Variants in LRRC8C observed in about 807,000 individuals in gnomAD.
LRRC8C encodes the protein volume-regulated anion channel subunit LRRC8C.
A neutral mutation model predicts 55.3 loss-of-function variants in LRRC8C; 20 were observed. The ratio of observed to expected loss-of-function variants is 0.36; its 90% confidence interval spans 0.25 to 0.53. The LOEUF (loss-of-function observed/expected upper bound fraction) is 0.53. Among genes scored for constraint, LRRC8C ranks in the 20% least tolerant of loss-of-function variants. LRRC8C has a pLI of 0.92. For synonymous variants in LRRC8C, 376 were observed against 360.7 expected (o/e 1.04, Z -0.48); for missense variants, 659 against 951.4 (o/e 0.69, Z 4.04).
chr1:89,712,905 A>C lies in LRRC8C; in HGVS notation c.335A>C (p.Asn112Thr). The C allele has an allele frequency of 6.2e-7, 1 of 1,614,152 alleles. No individual in the cohort carries two copies. Among genetic ancestry groups the C allele is most frequent in the Non-Finnish European group, 8.5e-7 (1 of 1,180,024 alleles). The stretch of plus-strand genomic sequence containing the variant: ...GACCTTCAGCAGTACAGCTTTATAA[A>C]TCAGATGTGTTATGAGCGAGCCCTC... ...DLDLQQYSFI[N>T]QMCYERALHW... The change falls in exon 3 of 3, where the codon AAT (asparagine) becomes ACT (threonine). Residue 112 changes from asparagine (N) to threonine (T), a missense_variant. Asn to Thr is a moderately conservative substitution (Grantham distance 65). Coordinates refer to ENST00000370454, the MANE Select transcript of LRRC8C (RefSeq NM_032270.5).
At chr1:89,706,906 T>C (rs1038526043) in intron 2 of LRRC8C, among the ~76,000 whole-genome samples, 3 of 152,208 alleles carry the variant, frequency 2.0e-5, no homozygotes, top group Non-Finnish European at 4.4e-5. Flanking sequence ...CTCAACATGA[T>C]GATTTGCAGA....
intron 1 of LRRC8C, among the ~76,000 whole-genome samples, chr1:89,658,806 G>A (rs1298248082): frequency 1.3e-5 from 2 of 152,028 alleles, no homozygotes; most frequent in Non-Finnish European, 2.9e-5. Context: ...TTAGCTATTG[G>A]GTGAAGTGTA....
chr1:89,639,096 C>G (rs1656383903), intron 1 of LRRC8C, among the ~76,000 whole-genome samples: 1 of 151,792 alleles, frequency 6.6e-6, no homozygotes, highest in South Asian at 2.1e-4. Flanking sequence ...GGCGATTCTC[C>G]TGCCTCAGCC....
At chr1:89,709,813 G>A (rs1365786268) in intron 2 of LRRC8C, among the ~76,000 whole-genome samples, 7 of 150,072 alleles carry the variant, frequency 4.7e-5, no homozygotes, top group African/African-American at 1.5e-4. Flanking sequence ...GTGCAGTGGC[G>A]CGATCTCGGC....
intron 2 of LRRC8C, among the ~76,000 whole-genome samples, chr1:89,706,966 C>T (rs1050762184): frequency 6.6e-6 from 1 of 152,156 alleles, no homozygotes; most frequent in Non-Finnish European, 1.5e-5. Context: ...CCAATTATTG[C>T]AACCCTTGGG....
intron 1 of LRRC8C, among the ~76,000 whole-genome samples, chr1:89,643,629 G>T (rs980168979): frequency 6.6e-6 from 1 of 152,128 alleles, no homozygotes; most frequent in Non-Finnish European, 1.5e-5. Context: ...AAAATGAGTT[G>T]TGTTTTTGTA....
At chr1:89,640,287 A>G (rs1656418259) in intron 1 of LRRC8C, among the ~76,000 whole-genome samples, 1 of 151,410 alleles carries the variant, frequency 6.6e-6, no homozygotes, top group Admixed American at 6.6e-5. Flanking sequence ...CTAAGCTTGA[A>G]CTCCTGACCC....
chr1:89,684,764 G>C (rs1657822941), intron 1 of LRRC8C, among the ~76,000 whole-genome samples: 1 of 152,204 alleles, frequency 6.6e-6, no homozygotes, highest in Admixed American at 6.5e-5. Flanking sequence ...TGCAATACAT[G>C]TTTTAAGGAG....
chr1:89,680,627 C>A, intron 1 of LRRC8C, among the ~76,000 whole-genome samples: 1 of 149,686 alleles, frequency 6.7e-6, no homozygotes, highest in Non-Finnish European at 1.5e-5. Context: ...GTAGTATGAT[C>A]CCAGCTCGCT....
chr1:89,684,562 G>T (rs535519675), intron 1 of LRRC8C, among the ~76,000 whole-genome samples: 20 of 152,306 alleles, frequency 1.3e-4, no homozygotes, highest in Admixed American at 2.6e-4. Flanking sequence ...AAGTCAAGAT[G>T]AATTTGTGCC....
chr1:89,690,861 A>G (rs781363876), intron 2 of LRRC8C, among the ~76,000 whole-genome samples: 9 of 152,154 alleles, frequency 5.9e-5, no homozygotes, highest in Non-Finnish European at 1.3e-4. Flanking sequence ...CAGACAGGTT[A>G]ACTAACCTGG....
chr1:89,715,304 T>G lies in LRRC8C; in HGVS notation c.*322T>G, dbSNP rs1027055142. 9.1e-5 allele frequency: 16 copies of G among 176,374 alleles called. No homozygotes were observed. Among genetic ancestry groups the G allele is most frequent in the Non-Finnish European group, 1.6e-4 (14 of 85,008 alleles). The allele number at this position is 176,374 out of a possible 1,614,324, so 10.9% of individuals were successfully genotyped here. A position where few individuals can be genotyped will look rare whatever the true frequency, so the allele number is the denominator to read the frequency against. The stretch of plus-strand genomic sequence containing the variant: ...TAAGTTGCATGCTTTTTGGCATTTT[T>G]TAAATAGAGGAAGATATTTTGCCAA... On this transcript the variant is annotated 3_prime_UTR_variant, in exon 3 of 3. Transcript: ENST00000370454.
chr1:89,695,327 G>A (rs1466765154), intron 2 of LRRC8C, among the ~76,000 whole-genome samples: 2 of 152,088 alleles, frequency 1.3e-5, no homozygotes, highest in East Asian at 1.9e-4. Flanking sequence ...GCAGTAATAG[G>A]GTCAGCTATC....
At chr1:89,668,120 A>G in intron 1 of LRRC8C, 1 of 152,568 alleles carries the variant, frequency 6.6e-6, no homozygotes, top group East Asian at 1.9e-4. Context: ...GGAAGTAAGT[A>G]CTCACTGTCC....
chr1:89,629,952 A>G (rs553038562), upstream of LRRC8C, among the ~76,000 whole-genome samples: 1 of 152,316 alleles, frequency 6.6e-6, no homozygotes, highest in Admixed American at 6.5e-5. Flanking sequence ...TGAGGTCAGG[A>G]GTTTGAGACC....
chr1:89,631,459 T>G (rs773434845), upstream of LRRC8C, among the ~76,000 whole-genome samples: 2 of 152,114 alleles, frequency 1.3e-5, no homozygotes, highest in Non-Finnish European at 2.9e-5. Context: ...CCTTGCAGAA[T>G]AAGGCCCTCC....
chr1:89,645,852 G>T (rs980049619), intron 1 of LRRC8C, among the ~76,000 whole-genome samples: 1 of 151,768 alleles, frequency 6.6e-6, no homozygotes. Context: ...ATTCAAAAAG[G>T]TTAAAAATAT....
At chr1:89,689,748 C>T (rs1657978184) in intron 2 of LRRC8C, among the ~76,000 whole-genome samples, 1 of 152,030 alleles carries the variant, frequency 6.6e-6, no homozygotes, top group Admixed American at 6.6e-5. Context: ...CGAGACTAGC[C>T]TGGCCAACAT....
At chr1:89,661,073 A>G (rs1657107217) in intron 1 of LRRC8C, 1 of 158,266 alleles carries the variant, frequency 6.3e-6, no homozygotes, top group East Asian at 1.9e-4. Flanking sequence ...TTATTTACTA[A>G]TCAGTGCAAT....
Sources: gnomAD v4.1 joint callset for allele counts (sites outside exome capture counted in the v4.1 genomes callset) on GRCh38, gnomAD v4.1.1 for gene constraint, MANE v1.5 for transcripts, NCBI Gene and HGNC (gene_info 2026-07-23, HGNC 2026-07-21) for gene names.